The following MASTL variants were observed in gnomAD, a reference collection of about 807,000 sequenced individuals.
MASTL encodes serine/threonine-protein kinase greatwall.
A neutral mutation model predicts 82.5 loss-of-function variants in MASTL; 54 were observed. The ratio of observed to expected loss-of-function variants is 0.65; its 90% CI spans 0.53 to 0.82. MASTL has a LOEUF of 0.82. Ranked by LOEUF, MASTL falls within the 40% of genes least tolerant of loss-of-function variation. The pLI, the probability that MASTL is intolerant of heterozygous loss-of-function variation, is 0.00. For missense variants in MASTL, 950 were observed against 1,047.8 expected (o/e 0.91, Z 1.29); for synonymous variants, 323 against 368.9 (o/e 0.88, Z 1.43).
chr10:27,158,055 G>A lies in MASTL; in HGVS notation c.187-494G>A, dbSNP rs74126917. ...TCTTGAAAGAGATTATGATACTTCT[G>A]CCATTTAATACCAAGATAAGCAATT... On this transcript the variant is annotated intron_variant, in intron 1 of 11. Coordinates refer to ENST00000375940, the MANE Select transcript of MASTL (RefSeq NM_001172303.3). Among the ~76,000 whole-genome samples the A allele has an allele frequency of 2.6e-3, 403 of 152,084 alleles. 3 individuals are homozygous for A. The highest frequency in any genetic ancestry group is 9.2e-3 in the African/African-American group (380 of 41,472).
At chr10:27,160,132 A>G (rs1203637112) in intron 3 of MASTL, among the ~76,000 whole-genome samples, 1 of 131,158 alleles carries the variant, frequency 7.6e-6, no homozygotes, top group Non-Finnish European at 1.6e-5. Context: ...AGTGTCTGGG[A>G]GTAGAGGTGT....
At chr10:27,158,260 G>A (rs931757767) in intron 1 of MASTL, among the ~76,000 whole-genome samples, 29 of 152,186 alleles carry the variant, frequency 1.9e-4, no homozygotes, top group African/African-American at 6.8e-4. Context: ...TGGCTTCCAC[G>A]TGTAATCCCA....
intron 3 of MASTL, among the ~76,000 whole-genome samples, chr10:27,160,071 C>T (rs2135973459): frequency 6.6e-6 from 1 of 151,122 alleles, no homozygotes; most frequent in South Asian, 2.1e-4. Context: ...CCTTGGCTCA[C>T]TGCAGCCTCG....
At chr10:27,176,543 A>G (rs1157958822) in intron 9 of MASTL, among the ~76,000 whole-genome samples, 1 of 152,016 alleles carries the variant, frequency 6.6e-6, no homozygotes, top group Non-Finnish European at 1.5e-5. Context: ...TTCCCATTCC[A>G]TTTCTTAAAT....
At chr10:27,177,985 T>G (rs1378060081) in intron 9 of MASTL, among the ~76,000 whole-genome samples, 1 of 152,216 alleles carries the variant, frequency 6.6e-6, no homozygotes, top group African/African-American at 2.4e-5. Flanking sequence ...GAGAGGTGGT[T>G]CTTCTCTGTG....
intron 9 of MASTL, among the ~76,000 whole-genome samples, chr10:27,173,591 AT>A (rs1344222080): frequency 6.6e-6 from 1 of 151,012 alleles, no homozygotes; most frequent in African/African-American, 2.4e-5. Context: ...TTTTATTTTT[AT>A]TTTTTGAGAC....
intron 8 of MASTL, among the ~76,000 whole-genome samples, chr10:27,172,751 T>C (rs189697205): frequency 4.6e-5 from 7 of 152,198 alleles, no homozygotes; most frequent in Admixed American, 3.3e-4. Flanking sequence ...TTACGTGTTG[T>C]CTTAATCATT....
intron 8 of MASTL, among the ~76,000 whole-genome samples, chr10:27,171,749 C>T (rs554973646): frequency 9.0e-4 from 137 of 151,420 alleles, no homozygotes; most frequent in Non-Finnish European, 1.4e-3. Flanking sequence ...AATTTAAGTC[C>T]GCTCTACCTT....
chr10:27,167,200 A>G lies in MASTL; in HGVS notation c.910A>G (p.Ser304Gly), dbSNP rs1273080073. 6.2e-7 allele frequency: 1 copy of G among 1,613,950 alleles called. No individual in the cohort carries two copies. Among genetic ancestry groups the G allele is most frequent in the Non-Finnish European group, 8.5e-7 (1 of 1,179,930 alleles). ...AAGGCTGGCCACATCCAGTGCCAGT[A>G]GTCAATCCCACACCTTCATATCCAG... is the stretch of plus-strand genomic sequence containing the variant. ...RKRLATSSASSQSHTFISSVE... is the reference protein window; with the variant it reads ...RKRLATSSASGQSHTFISSVE... Residue 304 changes from serine (S) to glycine (G), a missense_variant, in exon 7 of 12, where the codon AGT (serine) becomes GGT (glycine). Coordinates refer to ENST00000375940, the MANE Select transcript of MASTL (RefSeq NM_001172303.3).
chr10:27,175,108 C>G (rs2058062559), intron 9 of MASTL, among the ~76,000 whole-genome samples: 1 of 151,968 alleles, frequency 6.6e-6, no homozygotes, highest in Admixed American at 6.6e-5. Context: ...TCAAAGGTTT[C>G]CTCTTTGTTT....
intron 11 of MASTL, among the ~76,000 whole-genome samples, chr10:27,185,578 A>G (rs1261758287): frequency 6.9e-6 from 1 of 144,172 alleles, no homozygotes; most frequent in African/African-American, 2.6e-5. Context: ...GTTTGCAGTG[A>G]GCCGAGATTG....
chr10:27,160,644 G>A (rs1032162270), intron 3 of MASTL, among the ~76,000 whole-genome samples: 2 of 151,816 alleles, frequency 1.3e-5, no homozygotes, highest in South Asian at 2.1e-4. Flanking sequence ...CCAGCTACTC[G>A]GGAGGCTGAG....
chr10:27,155,783 C>T (rs1588632975), intron 1 of MASTL, among the ~76,000 whole-genome samples, 171 bp downstream of exon 1: 1 of 152,122 alleles, frequency 6.6e-6, no homozygotes, highest in East Asian at 1.9e-4. Flanking sequence ...CATCAGCGGT[C>T]GGGTCGGGTG....
intron 11 of MASTL, among the ~76,000 whole-genome samples, chr10:27,183,669 C>A (rs2058459887): frequency 2.0e-5 from 3 of 152,242 alleles, no homozygotes; most frequent in South Asian, 4.1e-4. Flanking sequence ...AGAAATGTGT[C>A]ATTTGCATCA....
intron 6 of MASTL, 91 bp from the exon 7 acceptor site, chr10:27,167,011 G>T: frequency 1.0e-6 from 1 of 983,558 alleles, no homozygotes. Flanking sequence ...TGTAATTCTT[G>T]ATACTTTGCT....
chr10:27,184,629 C>T (rs770160120), intron 11 of MASTL, among the ~76,000 whole-genome samples: 2 of 125,610 alleles, frequency 1.6e-5, no homozygotes, highest in Admixed American at 1.1e-4. Context: ...GGCATGATCT[C>T]GGCTCACTGC....
chr10:27,171,193 CTTG>C, intron 8 of MASTL, 110 bp downstream of exon 8: 2 of 923,020 alleles, frequency 2.2e-6, no homozygotes, highest in Non-Finnish European at 3.3e-6. Context: ...TTCTGTTCTT[CTTG>C]TTGAGAATCT....
rs764656000 is a variant in MASTL, at chr10:27,170,203, C to G, written c.1244C>G (p.Thr415Arg). 1.7e-5 allele frequency: 28 copies of G among 1,613,952 alleles called. No individual in the cohort carries two copies. The South Asian group carries it at 2.5e-4, about 15-fold the overall frequency. The change falls in exon 8 of 12, where the codon ACA becomes AGA. Residue 415 changes from threonine (T) to arginine (R), a missense_variant. Coordinates refer to ENST00000375940, the MANE Select transcript of MASTL (RefSeq NM_001172303.3). Reference sequence around the variant, plus strand: ...AATAATATAAATATGGACACTGACACAAGTCAGTTAGGTTTCCATCAGTCA... The same window carrying G: ...AATAATATAAATATGGACACTGACAGAAGTCAGTTAGGTTTCCATCAGTCA... ...DVNNINMDTD[T>R]SQLGFHQSNQ...
At position 27,157,575 on chromosome 10, in the gene MASTL, G is replaced by C. The variant is rs546142488; in HGVS notation, c.187-974G>C. On this transcript the variant is annotated intron_variant, in intron 1 of 11. Coordinates refer to ENST00000375940, the MANE Select transcript of MASTL (RefSeq NM_001172303.3). ...AAATATGCCTTTTTTTCTTATAGCA[G>C]TCCTGAGAATTGATCCCAGTGTTAC... Among the ~76,000 whole-genome samples the C allele has an allele frequency of 2.6e-5, 4 of 152,250 alleles. No individual in the cohort carries two copies. The East Asian group carries it at 7.7e-4, about 29-fold the overall frequency.
Sources: gnomAD v4.1 joint callset for allele counts (sites outside exome capture counted in the v4.1 genomes callset) on GRCh38, gnomAD v4.1.1 for gene constraint, MANE v1.5 for transcripts, NCBI Gene and HGNC (gene_info 2026-07-23, HGNC 2026-07-21) for gene names.